PIGQ: variants seen among roughly 807,000 people sequenced by gnomAD.
The protein encoded by PIGQ is phosphatidylinositol glycan anchor biosynthesis class Q.
A neutral mutation model predicts 60.3 loss-of-function variants in PIGQ; 54 were observed. The ratio of observed to expected loss-of-function variants is 0.90; its 90% CI spans 0.72 to 1.12. The LOEUF (loss-of-function observed/expected upper bound fraction) is 1.12, where lower values mean the gene tolerates loss of function less well. Ranked by LOEUF, PIGQ falls within the 50% of genes most tolerant of loss-of-function variation. PIGQ has a pLI of 0.00. For missense variants in PIGQ, 799 were observed against 793.5 expected, an observed-to-expected ratio of 1.01 and a Z score of -0.08; for synonymous variants, 416 against 363.7, an observed-to-expected ratio of 1.14 and a Z score of -1.64.
At chr16:577,403 C>A (rs553955302) in intron 4 of PIGQ, among the ~76,000 whole-genome samples, 1 of 151,782 alleles carries the variant, frequency 6.6e-6, no homozygotes, top group South Asian at 2.1e-4. Context: ...CAGTGAAATC[C>A]CGTCTCTACT....
At chr16:580,642 C>T in intron 8 of PIGQ, 1 of 589,570 alleles carries the variant, frequency 1.7e-6, no homozygotes, top group Non-Finnish European at 3.0e-6. Flanking sequence ...TGGGGAGGCA[C>T]CTCTGACCTG....
chr16:573,528 A>G (rs2035667371), intron 1 of PIGQ, among the ~76,000 whole-genome samples: 1 of 152,182 alleles, frequency 6.6e-6, no homozygotes, highest in Admixed American at 6.5e-5. Flanking sequence ...CGCACGAGGT[A>G]GTTTCCACAG....
Position 580,384 on chromosome 16 carries a change from C to A in PIGQ, c.1416+121C>A, listed in dbSNP as rs1350226865. ...TCCTGCTGCAGGCCACGTGGGTGGCCTTTCAGGACCCTCTGGGCAGTGAGT... is the reference window on the plus strand; with the variant it reads ...TCCTGCTGCAGGCCACGTGGGTGGCATTTCAGGACCCTCTGGGCAGTGAGT... On this transcript the variant is annotated intron_variant, in intron 8 of 10. Coordinates refer to ENST00000321878, the MANE Select transcript of PIGQ (RefSeq NM_004204.5). 3 of 715,086 alleles carry A rather than the reference C, an allele frequency of 4.2e-6. No homozygotes were observed. The African/African-American group carries it at 5.3e-5, about 13-fold the overall frequency. 44.3% of individuals were successfully genotyped at this position (715,086 alleles called of 1,614,324 possible). A position where few individuals can be genotyped will look rare whatever the true frequency, so the allele number is the denominator to read the frequency against.
chr16:571,091 G>C (rs1455677708), intron 1 of PIGQ, among the ~76,000 whole-genome samples: 1 of 20,308 alleles, frequency 4.9e-5, no homozygotes, highest in African/African-American at 2.0e-4. Flanking sequence ...GTGTGTGTGT[G>C]TGTGTGTGTG....
chr16:580,585 G>C lies in PIGQ; in HGVS notation c.1417-273G>C. ...TGGGAGGTGAGCAGAACCACCTCCAGCACCTGCTTGATTCCCAGGCCTCGA... is the reference window on the plus strand; with the variant it reads ...TGGGAGGTGAGCAGAACCACCTCCACCACCTGCTTGATTCCCAGGCCTCGA... On this transcript the variant is annotated intron_variant, in intron 8 of 10. Transcript: ENST00000321878. 4 of 555,360 alleles carry C rather than the reference G, an allele frequency of 7.2e-6. No homozygotes were observed. The South Asian group carries it at 9.5e-5, about 13-fold the overall frequency. The allele number at this position is 555,360 out of a possible 1,614,324, so 34.4% of individuals were successfully genotyped here. A position where few individuals can be genotyped will look rare whatever the true frequency, so the allele number is the denominator to read the frequency against.
At chr16:572,918 TG>T (rs562899958) in intron 1 of PIGQ, among the ~76,000 whole-genome samples, 1 of 152,154 alleles carries the variant, frequency 6.6e-6, no homozygotes, top group African/African-American at 2.4e-5. Flanking sequence ...GGCTCCAGCG[TG>T]GGGGGTCTCT....
Position 574,364 on chromosome 16 carries a change from G to T in PIGQ, c.290G>T (p.Cys97Phe), listed in dbSNP as rs78957457. ...VFPHEPWLRL[C>F]RERGGTFWSC... ...CCCCATGAGCCCTGGCTGCGGCTGT[G>T]CCGGGAGAGAGGCGGCACGTTCTGG... Residue 97 changes from cysteine (C) to phenylalanine (F), a missense_variant, in exon 2 of 11, where the codon TGC becomes TTC. Transcript: ENST00000321878. 6.3e-4 allele frequency: 1,016 copies of T among 1,610,248 alleles called. 3 individuals are homozygous for T. Among genetic ancestry groups the T allele is most frequent in the Non-Finnish European group, 8.5e-4 (998 of 1,179,432 alleles).
In PIGQ at chr16:578,850, C is replaced by T. The variant is rs139399928; in HGVS notation, c.1135C>T (p.Leu379=). The T allele has an allele frequency of 1.2e-6, 2 of 1,613,690 alleles. No individual in the cohort carries two copies. The highest frequency in any genetic ancestry group is 1.7e-6 in the Non-Finnish European group (2 of 1,179,960). Residue 379 remains leucine (L), a synonymous_variant, in exon 6 of 11, where the codon CTG becomes TTG. Coordinates refer to ENST00000321878, the MANE Select transcript of PIGQ (RefSeq NM_004204.5). ...TTGGCACGTGGGCCTCTCGGCCTGC[C>T]TGGGCCTGACGGTGGCCCTGTCCCT... ...ILWHVGLSAC[L]GLTVALSLLS...
At position 579,103 on chromosome 16, in the gene PIGQ, C is replaced by G. The variant is rs1000483000; in HGVS notation, c.1258C>G (p.Leu420Val). The G allele has an allele frequency of 3.7e-6, 6 of 1,612,934 alleles. No individual in the cohort carries two copies. The highest frequency in any genetic ancestry group is 4.2e-6 in the Non-Finnish European group (5 of 1,179,786). ...YCLKIHGLSS[L>V]WRLFRGKKWN... ...CCTGAAGATCCATGGCCTGTCCTCACTGTGGCGTCTGTTCCGGGGGAAGAA... is the reference window on the plus strand; with the variant it reads ...CCTGAAGATCCATGGCCTGTCCTCAGTGTGGCGTCTGTTCCGGGGGAAGAA... The change falls in exon 7 of 11, where the codon CTG becomes GTG. Residue 420 changes from leucine (L) to valine (V), a missense_variant. Leu to Val is a conservative substitution (Grantham distance 32). Coordinates refer to ENST00000321878, the MANE Select transcript of PIGQ (RefSeq NM_004204.5).
Position 574,405 on chromosome 16 carries a change from C to A in PIGQ, c.331C>A (p.His111Asn), listed in dbSNP as rs766511242. 6 of 1,610,616 alleles carry A rather than the reference C, an allele frequency of 3.7e-6. No individual in the cohort carries two copies. In the South Asian group the frequency reaches 6.6e-5, roughly 18 times the overall value. Residue 111 changes from histidine (H) to asparagine (N), a missense_variant, in exon 2 of 11, where the codon CAC (histidine) becomes AAC (asparagine). By Grantham distance (68) the His-to-Asn change is moderately conservative. Transcript: ENST00000321878. Reference sequence around the variant, plus strand: ...CACGTTCTGGAGCTGCGAGGCCACCCACCGGCAAGCGCCCACTGCCCCCGG... The same window carrying A: ...CACGTTCTGGAGCTGCGAGGCCACCAACCGGCAAGCGCCCACTGCCCCCGG... ...GGTFWSCEAT[H>N]RQAPTAPGAP...
At chr16:578,182 C>T in intron 4 of PIGQ, 197 bp from the exon 5 acceptor site, 8 of 573,856 alleles carry the variant, frequency 1.4e-5, no homozygotes, top group Non-Finnish European at 2.4e-5. Flanking sequence ...AGAGAGAGGC[C>T]TCCAGACCAG....
Position 570,050 on chromosome 16 carries a change from C to G in PIGQ, c.-56C>G, listed in dbSNP as rs1276925117. ...CGGGCCCGCCCATCGGGGTCCCCAACCCCATCCGGACCCCGCCGCCCGAGC... is the reference window on the plus strand; with the variant it reads ...CGGGCCCGCCCATCGGGGTCCCCAAGCCCATCCGGACCCCGCCGCCCGAGC... On this transcript the variant is annotated 5_prime_UTR_variant, in exon 1 of 11. Transcript: ENST00000321878. The G allele has an allele frequency of 1.3e-5, 2 of 150,112 alleles. No homozygotes were observed. Among genetic ancestry groups the G allele is most frequent in the East Asian group, 3.9e-4 (2 of 5,176 alleles). 9.3% of individuals were successfully genotyped at this position (150,112 alleles called of 1,614,324 possible). A position where few individuals can be genotyped will look rare whatever the true frequency, so the allele number is the denominator to read the frequency against.
intron 4 of PIGQ, among the ~76,000 whole-genome samples, chr16:577,525 C>T (rs1481320942): frequency 2.0e-5 from 3 of 148,672 alleles, no homozygotes; most frequent in African/African-American, 5.0e-5. Flanking sequence ...TGCAGTGAGC[C>T]GAGATCTCAC....
In PIGQ at chr16:579,094, C is replaced by T. The variant is rs757792760; in HGVS notation, c.1249C>T (p.Leu417=). The T allele has an allele frequency of 5.0e-6, 8 of 1,612,664 alleles. No individual in the cohort carries two copies. The highest frequency in any genetic ancestry group is 5.9e-6 in the Non-Finnish European group (7 of 1,179,750). ...ARLYCLKIHG[L]SSLWRLFRGK... ...GCTGTACTGCCTGAAGATCCATGGC[C>T]TGTCCTCACTGTGGCGTCTGTTCCG... Residue 417 remains leucine (L), a synonymous_variant, in exon 7 of 11, where the codon CTG becomes TTG. Coordinates refer to ENST00000321878, the MANE Select transcript of PIGQ (RefSeq NM_004204.5).
At position 584,000 on chromosome 16, in the gene PIGQ, A is replaced by C; in HGVS notation, c.*965A>C. ...GAGGGGATGACGCGCTGTGGGTGGGAGGAGGCAGCGCCCATCTCAGCAGCA... is the reference window on the plus strand; with the variant it reads ...GAGGGGATGACGCGCTGTGGGTGGGCGGAGGCAGCGCCCATCTCAGCAGCA... On this transcript the variant is annotated 3_prime_UTR_variant, in exon 11 of 11. Transcript: ENST00000321878. The C allele has an allele frequency of 2.7e-6, 1 of 372,266 alleles. No homozygotes were observed. The allele number at this position is 372,266 out of a possible 1,614,324, so 23.1% of individuals were successfully genotyped here. A position where few individuals can be genotyped will look rare whatever the true frequency, so the allele number is the denominator to read the frequency against.
chr16:582,457 G>A (rs2035829617), intron 10 of PIGQ, 148 bp downstream of exon 10: 13 of 622,432 alleles, frequency 2.1e-5, no homozygotes, highest in Non-Finnish European at 3.3e-5. Flanking sequence ...GAAGGCCCAC[G>A]CGGGACCCCC....
At chr16:572,793 G>A (rs1054000354) in intron 1 of PIGQ, among the ~76,000 whole-genome samples, 3 of 152,146 alleles carry the variant, frequency 2.0e-5, no homozygotes, top group African/African-American at 7.2e-5. Flanking sequence ...CTAAGGATGT[G>A]GTGGGCACTG....
chr16:574,207 G>C lies in PIGQ; in HGVS notation c.133G>C (p.Val45Leu), dbSNP rs749896045. ...GCACTTTCCCTTCATCCCCATCCAG[G>C]TCAAGCAGCTCCTGGCCCAGGTGCG... is the stretch of plus-strand genomic sequence containing the variant. ...VLHFPFIPIQ[V>L]KQLLAQVRQA... Residue 45 changes from valine (V) to leucine (L), a missense_variant, in exon 2 of 11, where the codon GTC (valine) becomes CTC (leucine). Physicochemically the swap from Val to Leu is conservative, Grantham distance 32 (BLOSUM62 1). Transcript: ENST00000321878. The C allele has an allele frequency of 6.2e-7, 1 of 1,612,310 alleles. No homozygotes were observed. Among genetic ancestry groups the C allele is most frequent in the Non-Finnish European group, 8.5e-7 (1 of 1,179,822 alleles).
At chr16:571,571 C>CGTGTGTGTGTGTGT (rs4006743) in intron 1 of PIGQ, among the ~76,000 whole-genome samples, 1 of 87,298 alleles carries the variant, frequency 1.1e-5, no homozygotes, top group Non-Finnish European at 2.1e-5. Flanking sequence ...GCCTGGTGCC[C>CGTGTGTGTGTGTGT]GTGTGTGTGT....
Sources: allele counts gnomAD v4.1 joint callset (sites outside exome capture counted in the v4.1 genomes callset), GRCh38; gene constraint gnomAD v4.1.1; transcripts MANE v1.5; gene names NCBI Gene and HGNC (gene_info 2026-07-23, HGNC 2026-07-21).